Variants in NKAIN2 observed in about 807,000 individuals in gnomAD.
NKAIN2 encodes sodium/potassium transporting ATPase interacting 2, also known as sodium/potassium-transporting ATPase subunit beta-1-interacting protein 2.
Under a neutral mutation model 32.6 loss-of-function variants are expected in NKAIN2, and 14 were observed. The ratio of observed to expected loss-of-function variants is 0.43; its 90% CI spans 0.28 to 0.67. The LOEUF (loss-of-function observed/expected upper bound fraction) is 0.67. NKAIN2 is among the 30% of genes least tolerant of loss of function. NKAIN2 has a pLI of 0.17. For missense variants in NKAIN2, 198 were observed against 258.3 expected (o/e 0.77, Z 1.60); for synonymous variants, 80 against 87.2 (o/e 0.92, Z 0.46).
chr6:123,894,713 T>G (rs911683718), intron 1 of NKAIN2, among the ~76,000 whole-genome samples: 1 of 151,874 alleles, frequency 6.6e-6, no homozygotes, highest in African/African-American at 2.4e-5. Context: ...TATCCCAGGA[T>G]TCTCTAAAGG....
At chr6:124,426,831 C>G (rs1183802843) in intron 3 of NKAIN2, among the ~76,000 whole-genome samples, 2 of 152,106 alleles carry the variant, frequency 1.3e-5, no homozygotes, top group African/African-American at 4.8e-5. Flanking sequence ...GTGAGTAAGT[C>G]TCACGAGATC....
At chr6:123,932,085 G>A (rs1459649180) in intron 1 of NKAIN2, among the ~76,000 whole-genome samples, 1 of 152,168 alleles carries the variant, frequency 6.6e-6, no homozygotes, top group African/African-American at 2.4e-5. Flanking sequence ...TACCCTCCCT[G>A]AGGGTTGCTG....
chr6:123,974,664 A>G (rs538203731), intron 1 of NKAIN2, among the ~76,000 whole-genome samples: 2 of 152,204 alleles, frequency 1.3e-5, no homozygotes, highest in Non-Finnish European at 2.9e-5. Flanking sequence ...TTTCAGAGTA[A>G]TAAGTTCTTA....
chr6:124,459,924 T>C (rs1424060823), intron 3 of NKAIN2, among the ~76,000 whole-genome samples: 1 of 151,842 alleles, frequency 6.6e-6, no homozygotes, highest in African/African-American at 2.4e-5. Context: ...CGTAGATGTA[T>C]ATGTGTTTAT....
chr6:124,303,885 T>G (rs899266810), intron 2 of NKAIN2, among the ~76,000 whole-genome samples: 1 of 151,950 alleles, frequency 6.6e-6, no homozygotes, highest in Non-Finnish European at 1.5e-5. Flanking sequence ...TAGAGATGAG[T>G]GAATCTGAAT....
chr6:124,596,383 G>T (rs1201072853), intron 3 of NKAIN2, among the ~76,000 whole-genome samples: 1 of 152,166 alleles, frequency 6.6e-6, no homozygotes, highest in East Asian at 1.9e-4. Context: ...GGAATACTGT[G>T]TGAGAGCCCC....
At chr6:124,043,008 A>G (rs78832322) in intron 1 of NKAIN2, among the ~76,000 whole-genome samples, 3,161 of 152,172 alleles carry the variant, frequency 0.021, 119 homozygotes, top group African/African-American at 0.072. Flanking sequence ...TTGATGGAGA[A>G]CTAAACAATA....
Position 124,016,029 on chromosome 6 carries a change from T to A in NKAIN2, c.54+211775T>A, listed in dbSNP as rs143366974. Among the ~76,000 whole-genome samples the A allele has an allele frequency of 1.2e-3, 185 of 152,262 alleles. 2 individuals are homozygous for A. The highest frequency in any genetic ancestry group is 4.3e-3 in the African/African-American group (180 of 41,544). On this transcript the variant is annotated intron_variant, in intron 1 of 6. Transcript: ENST00000368417. ...TAGAACAAGATGAAACTTTTTTTTT[T>A]AATTCTTCAAAAGTATTTAGATCAT...
chr6:124,048,305 T>A (rs1021262883), intron 1 of NKAIN2, among the ~76,000 whole-genome samples: 1 of 151,988 alleles, frequency 6.6e-6, no homozygotes. Context: ...GAGATCTGGA[T>A]CAGAGTTACA....
intron 3 of NKAIN2, among the ~76,000 whole-genome samples, chr6:124,450,570 T>A (rs935615600): frequency 2.6e-5 from 4 of 151,844 alleles, no homozygotes; most frequent in Non-Finnish European, 4.4e-5. Context: ...GTACAGATGG[T>A]GATTTTTGTA....
intron 1 of NKAIN2, among the ~76,000 whole-genome samples, chr6:124,169,816 G>A (rs1788756105): frequency 6.6e-6 from 1 of 152,104 alleles, no homozygotes; most frequent in Admixed American, 6.6e-5. Context: ...CACCATTGGG[G>A]TGGAACGGAC....
At chr6:124,476,804 T>G (rs1239029954) in intron 3 of NKAIN2, among the ~76,000 whole-genome samples, 1 of 152,154 alleles carries the variant, frequency 6.6e-6, no homozygotes, top group African/African-American at 2.4e-5. Context: ...GTTTTATTTC[T>G]GTGATACATG....
chr6:123,991,483 T>C (rs111251999), intron 1 of NKAIN2, among the ~76,000 whole-genome samples: 1 of 151,858 alleles, frequency 6.6e-6, no homozygotes, highest in Non-Finnish European at 1.5e-5. Context: ...TGCGGGGAGT[T>C]CAAAGCAACA....
chr6:124,645,029 T>C (rs1784119978), intron 3 of NKAIN2, among the ~76,000 whole-genome samples: 1 of 152,244 alleles, frequency 6.6e-6, no homozygotes, highest in South Asian at 2.1e-4. Context: ...CATTTAATGA[T>C]AGCTGGTTGA....
chr6:124,586,587 A>G (rs1781719197), intron 3 of NKAIN2, among the ~76,000 whole-genome samples: 1 of 151,848 alleles, frequency 6.6e-6, no homozygotes, highest in Non-Finnish European at 1.5e-5. Flanking sequence ...GGCCTTCTGA[A>G]CCTAAAATAA....
chr6:124,462,842 G>C (rs140768226), intron 3 of NKAIN2, among the ~76,000 whole-genome samples: 1 of 152,098 alleles, frequency 6.6e-6, no homozygotes, highest in South Asian at 2.1e-4. Context: ...ATTATGACTT[G>C]CAGGGAACAC....
chr6:124,118,821 T>C (rs1350748419), intron 1 of NKAIN2, among the ~76,000 whole-genome samples: 2 of 152,156 alleles, frequency 1.3e-5, no homozygotes, highest in Non-Finnish European at 2.9e-5. Flanking sequence ...ATTTTGGTTT[T>C]GGAGGTCATA....
Position 124,121,887 on chromosome 6 carries a change from A to G in NKAIN2, c.55-161118A>G, listed in dbSNP as rs1398612423. ...TCTGGTATATTTACAGGTACTGAAGATGGATGGGGATCATTAGGTTTCTCT... is the reference window on the plus strand; with the variant it reads ...TCTGGTATATTTACAGGTACTGAAGGTGGATGGGGATCATTAGGTTTCTCT... On this transcript the variant is annotated intron_variant, in intron 1 of 6. Coordinates refer to ENST00000368417, the MANE Select transcript of NKAIN2 (RefSeq NM_001040214.3). 2.4e-6 allele frequency: 3 copies of G among 1,235,884 alleles called. No homozygotes were observed. The Admixed American group carries it at 7.0e-5, about 29-fold the overall frequency. 76.6% of individuals were successfully genotyped at this position (1,235,884 alleles called of 1,614,324 possible).
At chr6:123,849,896 T>C (rs1442355751) in intron 1 of NKAIN2, among the ~76,000 whole-genome samples, 1 of 151,634 alleles carries the variant, frequency 6.6e-6, no homozygotes, top group Non-Finnish European at 1.5e-5. Flanking sequence ...TTATTTACAA[T>C]TTTCTTTAAA....
Sources: gnomAD v4.1 joint callset for allele counts (sites outside exome capture counted in the v4.1 genomes callset) on GRCh38, gnomAD v4.1.1 for gene constraint, MANE v1.5 for transcripts, NCBI Gene and HGNC (gene_info 2026-07-23, HGNC 2026-07-21) for gene names.